Variants in VPS13B observed in about 807,000 individuals in gnomAD.
VPS13B encodes intermembrane lipid transfer protein VPS13B.
In VPS13B, 285 loss-of-function variants were observed where a neutral mutation model predicts 426.4. The observed-to-expected ratio is 0.67, with a 90% CI of 0.61 to 0.74. VPS13B has a LOEUF of 0.74. Among genes scored for constraint, VPS13B ranks in the 30% least tolerant of loss-of-function variants. The probability of loss-of-function intolerance (pLI) is 0.00; values close to 1 mark genes in which losing one functional copy is unlikely to be tolerated. For synonymous variants in VPS13B, 1,676 were observed against 1,676.4 expected (o/e 1.00, Z 0.01); for missense variants, 4,537 against 4,782.6 (o/e 0.95, Z 1.51).
chr8:99,531,953 T>G (rs1822957593), intron 30 of VPS13B, among the ~76,000 whole-genome samples: 1 of 152,136 alleles, frequency 6.6e-6, no homozygotes, highest in African/African-American at 2.4e-5. Context: ...CCTCATACTT[T>G]TTTCAAGAGT....
At chr8:99,122,495 TA>T (rs1847996574) in intron 8 of VPS13B, among the ~76,000 whole-genome samples, 1 of 152,046 alleles carries the variant, frequency 6.6e-6, no homozygotes, top group Non-Finnish European at 1.5e-5. Context: ...AAAATAAATA[TA>T]AAATTCCTAG....
intron 39 of VPS13B, among the ~76,000 whole-genome samples, chr8:99,741,569 T>C (rs1809726310): frequency 6.6e-6 from 1 of 152,176 alleles, no homozygotes; most frequent in Admixed American, 6.5e-5. Flanking sequence ...ACCACATAGT[T>C]GGAAGTAAAG....
chr8:99,050,207 C>T (rs941259167), intron 3 of VPS13B, among the ~76,000 whole-genome samples: 1 of 151,820 alleles, frequency 6.6e-6, no homozygotes, highest in Admixed American at 6.6e-5. Flanking sequence ...ACAACAGGCC[C>T]TGCTGTGTGA....
At chr8:99,756,463 C>T (rs1305875839) in intron 39 of VPS13B, among the ~76,000 whole-genome samples, 1 of 152,130 alleles carries the variant, frequency 6.6e-6, no homozygotes, top group African/African-American at 2.4e-5. Context: ...AAACACTTCC[C>T]AAATTTGATG....
chr8:99,049,938 T>C (rs922437395), intron 3 of VPS13B, among the ~76,000 whole-genome samples: 7 of 152,010 alleles, frequency 4.6e-5, no homozygotes, highest in African/African-American at 1.7e-4. Flanking sequence ...TGAAGTTCTT[T>C]CTTCTGCTTG....
rs1815137249 is a variant in VPS13B, at chr8:99,832,536, CCCAGGTGCTGA to C, written c.9500_9510del (p.Pro3167GlnfsTer12). On this transcript the variant is annotated frameshift_variant, in exon 52 of 62. Coordinates refer to ENST00000357162, the MANE Select transcript of VPS13B (RefSeq NM_152564.5). LOFTEE classifies it high-confidence loss of function. ...AGATCATGCTGGGCTTTTCTCCTGCCCCAGGTGCTGACAGCTCACAGTGCTGGAGCCTGCCA... is the reference window on the plus strand; with the variant it reads ...AGATCATGCTGGGCTTTTCTCCTGCCCAGCTCACAGTGCTGGAGCCTGCCA... 1.2e-6 allele frequency: 2 copies of C among 1,613,540 alleles called. No individual in the cohort carries two copies. The highest frequency in any genetic ancestry group is 1.7e-6 in the Non-Finnish European group (2 of 1,179,940).
intron 43 of VPS13B, among the ~76,000 whole-genome samples, chr8:99,802,063 T>A (rs1813151238): frequency 6.6e-6 from 1 of 151,366 alleles, no homozygotes. Flanking sequence ...GGTGGGAGGA[T>A]CACTTGAGCC....
intron 33 of VPS13B, among the ~76,000 whole-genome samples, chr8:99,616,243 A>G (rs1166430828): frequency 6.6e-6 from 1 of 152,210 alleles, no homozygotes; most frequent in Admixed American, 6.5e-5. Flanking sequence ...CATTTATTTC[A>G]TGCAACAAAT....
At position 99,875,875 on chromosome 8, in the gene VPS13B, C is replaced by G; in HGVS notation, c.*209C>G. 1 of 615,156 alleles carries G rather than the reference C, an allele frequency of 1.6e-6. No homozygotes were observed. Among genetic ancestry groups the G allele is most frequent in the Non-Finnish European group, 2.8e-6 (1 of 354,554 alleles). The allele number at this position is 615,156 out of a possible 1,614,324, so 38.1% of individuals were successfully genotyped here. On this transcript the variant is annotated 3_prime_UTR_variant, in exon 62 of 62. Coordinates refer to ENST00000357162, the MANE Select transcript of VPS13B (RefSeq NM_152564.5). Reference sequence around the variant, plus strand: ...TAAAGGGCTGCATTTTTTTAAAAAGCCTAGGCAGCTCTAACATCATCTGAT... The same window carrying G: ...TAAAGGGCTGCATTTTTTTAAAAAGGCTAGGCAGCTCTAACATCATCTGAT...
chr8:99,093,956 A>G (rs1846302410), intron 3 of VPS13B: 1 of 152,164 alleles, frequency 6.6e-6, no homozygotes, highest in Non-Finnish European at 1.5e-5. Context: ...TTGAAAACTC[A>G]TCGTTTTCAT....
chr8:99,484,406 CCTCTT>C (rs764145925), intron 25 of VPS13B, among the ~76,000 whole-genome samples: 8 of 151,644 alleles, frequency 5.3e-5, no homozygotes, highest in Non-Finnish European at 8.8e-5. Context: ...CAAAATGTAC[CCTCTT>C]CTCTTATTTA....
intron 22 of VPS13B, among the ~76,000 whole-genome samples, chr8:99,434,063 C>T (rs544219110): frequency 2.0e-5 from 3 of 152,232 alleles, no homozygotes; most frequent in Non-Finnish European, 4.4e-5. Flanking sequence ...CTGTCTTGTC[C>T]TCCCAAAATG....
At chr8:99,402,286 G>A (rs951276249) in intron 21 of VPS13B, among the ~76,000 whole-genome samples, 1 of 152,144 alleles carries the variant, frequency 6.6e-6, no homozygotes, top group Admixed American at 6.5e-5. Flanking sequence ...CTCCAGAAAG[G>A]TGCTCAGGTT....
At chr8:99,233,041 G>T in intron 17 of VPS13B, 1 of 1,141,596 alleles carries the variant, frequency 8.8e-7, no homozygotes, top group Non-Finnish European at 1.3e-6. Context: ...TGATGCCTGT[G>T]GGAGGCCTCA....
intron 33 of VPS13B, among the ~76,000 whole-genome samples, chr8:99,629,994 C>T (rs1221258833): frequency 1.3e-5 from 2 of 152,114 alleles, no homozygotes; most frequent in Non-Finnish European, 2.9e-5. Context: ...TTGTGCATAG[C>T]GGTGTTTCTG....
chr8:99,423,247 G>T lies in VPS13B; in HGVS notation c.3083-8290G>T, dbSNP rs139816327. Among the ~76,000 whole-genome samples the T allele has an allele frequency of 1.2e-3, 187 of 151,574 alleles. 4 individuals are homozygous for T. In the East Asian group the frequency reaches 0.033, roughly 26 times the overall value. ...TTCTTAGAAATCGGATTATTTTATA[G>T]AAAAAGTATGTGTGAATTTTTTTTT... On this transcript the variant is annotated intron_variant, in intron 21 of 61. Transcript: ENST00000357162.
intron 2 of VPS13B, among the ~76,000 whole-genome samples, chr8:99,021,851 G>T (rs1305845395): frequency 6.6e-6 from 1 of 152,082 alleles, no homozygotes; most frequent in African/African-American, 2.4e-5. Context: ...GGGCTCAAAT[G>T]ATCTTCCAAC....
At chr8:99,321,526 G>A (rs1412956834) in intron 19 of VPS13B, among the ~76,000 whole-genome samples, 2 of 152,138 alleles carry the variant, frequency 1.3e-5, no homozygotes, top group Non-Finnish European at 1.5e-5. Flanking sequence ...ATTTTCGAAT[G>A]TGCGTAAATA....
At position 99,641,812 on chromosome 8, in the gene VPS13B, T is replaced by G. The variant is rs772975978; in HGVS notation, c.5222T>G (p.Ile1741Ser). ...TATTTTATTACTTTTTTCTTACAGA[T>G]CTCTAAACAAGAACAGAAAAAAGTG... ...GLEPSNKAAE[I>S]SKQEQKKVDI... Residue 1741 changes from isoleucine (I) to serine (S), a missense_variant and splice_region_variant, in exon 34 of 62, where the codon ATC becomes AGC. By Grantham distance (142) the Ile-to-Ser change is moderately radical. Around this residue, in one of 2 missense-constraint regions of VPS13B, gnomAD observed 4,311 missense variants for 4,474.3 expected, o/e 0.96. Transcript: ENST00000357162. 2 of 1,608,790 alleles carry G rather than the reference T, an allele frequency of 1.2e-6. No individual in the cohort carries two copies. The highest frequency in any genetic ancestry group is 1.7e-6 in the Non-Finnish European group (2 of 1,175,968).
Sources: allele counts gnomAD v4.1 joint callset (sites outside exome capture counted in the v4.1 genomes callset), GRCh38; gene constraint gnomAD v4.1.1; regional missense constraint gnomAD v4.1.1; transcripts MANE v1.5; gene names NCBI Gene and HGNC (gene_info 2026-07-23, HGNC 2026-07-21).